PDSS2: variants seen among roughly 807,000 people sequenced by gnomAD.
The protein encoded by PDSS2 is decaprenyl diphosphate synthase subunit 2.
PDSS2 carries 31 observed loss-of-function variants against 44.5 expected under a neutral mutation model. The observed-to-expected ratio is 0.70, with a 90% confidence interval of 0.52 to 0.94. The LOEUF (loss-of-function observed/expected upper bound fraction) is 0.94, where lower values mean the gene tolerates loss of function less well. Ranked by LOEUF, PDSS2 falls within the 40% of genes least tolerant of loss-of-function variation. The pLI, the probability that PDSS2 is intolerant of heterozygous loss-of-function variation, is 0.00. For missense variants in PDSS2, 452 were observed against 482.2 expected (o/e 0.94, Z 0.59); for synonymous variants, 157 against 180.3 (o/e 0.87, Z 1.03).
chr6:107,335,741 T>C (rs1426815469), intron 1 of PDSS2, among the ~76,000 whole-genome samples: 2 of 152,138 alleles, frequency 1.3e-5, no homozygotes. Flanking sequence ...ATGGGCAATA[T>C]ATTACAGTAA....
At chr6:107,397,368 G>A (rs1387900270) in intron 1 of PDSS2, among the ~76,000 whole-genome samples, 2 of 152,064 alleles carry the variant, frequency 1.3e-5, no homozygotes, top group African/African-American at 4.8e-5. Flanking sequence ...ATAGTTTTCA[G>A]TGCCATATAC....
chr6:107,256,748 G>A (rs1440418945), intron 3 of PDSS2, among the ~76,000 whole-genome samples: 1 of 152,008 alleles, frequency 6.6e-6, no homozygotes, highest in Non-Finnish European at 1.5e-5. Flanking sequence ...AAATTTGGGG[G>A]CCGGGCACAG....
intron 3 of PDSS2, among the ~76,000 whole-genome samples, chr6:107,249,735 C>T (rs867240864): frequency 6.6e-6 from 1 of 152,188 alleles, no homozygotes; most frequent in South Asian, 2.1e-4. Flanking sequence ...CTTCTCCTGC[C>T]ACCTCCCTTG....
At chr6:107,294,070 G>A (rs1215798992) in intron 2 of PDSS2, among the ~76,000 whole-genome samples, 1 of 152,088 alleles carries the variant, frequency 6.6e-6, no homozygotes, top group Non-Finnish European at 1.5e-5. Context: ...CACTGTAGGA[G>A]GGAAATGTCA....
At chr6:107,156,797 G>A (rs185819968) in intron 7 of PDSS2, among the ~76,000 whole-genome samples, 4 of 152,210 alleles carry the variant, frequency 2.6e-5, no homozygotes, top group South Asian at 2.1e-4. Context: ...ACAGTGCCTC[G>A]CCCACCTGTG....
Position 107,210,519 on chromosome 6 carries a change from T to G in PDSS2, c.928A>C (p.Thr310Pro). Residue 310 changes from threonine to proline, a missense_variant, in exon 6 of 8, where the codon ACT becomes CCT. Physicochemically the swap from Thr to Pro is conservative, Grantham distance 38. Transcript: ENST00000369037. ...ACAGGAGCTGAGTTTAGATTAAAAG[T>G]CATGGAGTCACTGGTCTTTTCTTTA... ...FIKEKTSDSM[T>P]FNLNSAPVVL... The G allele has an allele frequency of 6.2e-7, 1 of 1,604,010 alleles. No homozygotes were observed. The highest frequency in any genetic ancestry group is 8.5e-7 in the Non-Finnish European group (1 of 1,170,970).
intron 2 of PDSS2, among the ~76,000 whole-genome samples, chr6:107,310,754 A>G (rs1411873259): frequency 6.6e-6 from 1 of 152,102 alleles, no homozygotes; most frequent in East Asian, 1.9e-4. Flanking sequence ...TGTGCTCATT[A>G]ATACATTTGT....
intron 4 of PDSS2, among the ~76,000 whole-genome samples, chr6:107,214,680 A>G (rs781279390): frequency 6.6e-6 from 1 of 152,098 alleles, no homozygotes; most frequent in African/African-American, 2.4e-5. Flanking sequence ...AAATATTAAG[A>G]AAAAAAAGTG....
intron 1 of PDSS2, among the ~76,000 whole-genome samples, chr6:107,402,382 G>C (rs1780135758): frequency 1.3e-5 from 1 of 74,608 alleles, no homozygotes; most frequent in Non-Finnish European, 3.1e-5. Flanking sequence ...ATAAATCATA[G>C]TGTATTAGTC....
rs193088440 is a variant in PDSS2 at position 107,450,600 on chromosome 6, T to C, written c.296+8390A>G. On this transcript the variant is annotated intron_variant, in intron 1 of 7. Coordinates refer to ENST00000369037, the MANE Select transcript of PDSS2 (RefSeq NM_020381.4). Reference sequence around the variant, plus strand: ...AAAGAACACACAGCCCTATCCAAGCTGTGGAATGAAAATGGCATTAATACA... The same window carrying C: ...AAAGAACACACAGCCCTATCCAAGCCGTGGAATGAAAATGGCATTAATACA... 9.5e-4 allele frequency among the ~76,000 whole-genome samples: 144 copies of C among 152,254 alleles called. 1 individual carries two copies. The highest frequency in any genetic ancestry group is 3.4e-3 in the Middle Eastern group (1 of 294).
chr6:107,421,196 TAAC>T (rs1213346134), intron 1 of PDSS2, among the ~76,000 whole-genome samples: 2 of 152,282 alleles, frequency 1.3e-5, no homozygotes, highest in African/African-American at 4.8e-5. Context: ...TACCAAATGC[TAAC>T]AAAGGATATG....
At chr6:107,264,553 A>G in intron 3 of PDSS2, 1 of 1,198,912 alleles carries the variant, frequency 8.3e-7, no homozygotes, top group Admixed American at 2.0e-5. Context: ...TCCATTCTTT[A>G]AATACTAGGC....
intron 1 of PDSS2, among the ~76,000 whole-genome samples, chr6:107,378,058 A>AAAAT (rs998269690): frequency 6.6e-6 from 1 of 150,648 alleles, no homozygotes. Context: ...AATAAAAATA[A>AAAAT]AAATAAATAA....
chr6:107,272,804 G>A (rs1775646634), intron 3 of PDSS2, among the ~76,000 whole-genome samples: 1 of 152,124 alleles, frequency 6.6e-6, no homozygotes, highest in Non-Finnish European at 1.5e-5. Context: ...GCAACACAGT[G>A]AGACTCTGTC....
chr6:107,393,312 C>T (rs961333968), intron 1 of PDSS2, among the ~76,000 whole-genome samples: 7 of 151,908 alleles, frequency 4.6e-5, no homozygotes, highest in African/African-American at 1.7e-4. Flanking sequence ...GGGAATTTTC[C>T]AGATATCTAT....
rs143485376 is a variant in PDSS2 at position 107,236,449 on chromosome 6, C to T, written c.702+9099G>A. Among the ~76,000 whole-genome samples the T allele has an allele frequency of 2.8e-3, 405 of 145,050 alleles. 2 individuals are homozygous for T. Among genetic ancestry groups the T allele is most frequent in the African/African-American group, 9.3e-3 (363 of 38,904 alleles). ...TGCCATTGGACTCCAGCCTGGGCAA[C>T]AGGGCGAGACTCTGTCTCAAAAAAA... On this transcript the variant is annotated intron_variant, in intron 4 of 7. Transcript: ENST00000369037.
At chr6:107,394,581 T>C (rs1343925567) in intron 1 of PDSS2, among the ~76,000 whole-genome samples, 1 of 152,122 alleles carries the variant, frequency 6.6e-6, no homozygotes, top group Non-Finnish European at 1.5e-5. Context: ...CCAGGTCACA[T>C]CTCCAACACT....
intron 1 of PDSS2, among the ~76,000 whole-genome samples, chr6:107,431,625 A>G (rs1015075188): frequency 3.3e-5 from 5 of 152,158 alleles, no homozygotes; most frequent in Non-Finnish European, 7.3e-5. Context: ...TACCTTTCAA[A>G]TCACTTTCAT....
intron 4 of PDSS2, among the ~76,000 whole-genome samples, chr6:107,229,299 G>A (rs557682206): frequency 3.3e-5 from 5 of 152,136 alleles, no homozygotes; most frequent in East Asian, 1.9e-4. Flanking sequence ...CAATTCTCCC[G>A]CCTCAGCCTC....
Sources: gnomAD v4.1 joint callset for allele counts (sites outside exome capture counted in the v4.1 genomes callset) on GRCh38, gnomAD v4.1.1 for gene constraint, MANE v1.5 for transcripts, NCBI Gene and HGNC (gene_info 2026-07-23, HGNC 2026-07-21) for gene names.